TMPRSS11F: variants seen among roughly 807,000 people sequenced by gnomAD.
TMPRSS11F encodes transmembrane protease serine 11F.
Under a neutral mutation model 60.2 loss-of-function variants are expected in TMPRSS11F, and 47 were observed. That is an observed-to-expected ratio of 0.78 (90% CI 0.62 to 1.00). The LOEUF is 1.00. Ranked by LOEUF, TMPRSS11F falls within the 50% of genes least tolerant of loss-of-function variation. The pLI, the probability that TMPRSS11F is intolerant of heterozygous loss-of-function variation, is 0.00. For missense variants in TMPRSS11F, 519 were observed against 522.9 expected (o/e 0.99, Z 0.07); for synonymous variants, 166 against 167.3 (o/e 0.99, Z 0.06).
chr4:68,104,729 GT>G (rs762261395), intron 1 of TMPRSS11F, among the ~76,000 whole-genome samples: 8 of 152,122 alleles, frequency 5.3e-5, no homozygotes, highest in Non-Finnish European at 1.0e-4. Context: ...AAGAAATAAT[GT>G]TGAACTTTGT....
chr4:68,123,349 T>G (rs1227071463), intron 1 of TMPRSS11F, among the ~76,000 whole-genome samples: 1 of 152,210 alleles, frequency 6.6e-6, no homozygotes, highest in Non-Finnish European at 1.5e-5. Context: ...TCAAGAAATC[T>G]AAGTCTATGT....
chr4:68,057,933 G>A (rs1454162470), intron 9 of TMPRSS11F, among the ~76,000 whole-genome samples: 1 of 152,210 alleles, frequency 6.6e-6, no homozygotes, highest in African/African-American at 2.4e-5. Context: ...CATGAATCTA[G>A]AGGACATTAT....
intron 3 of TMPRSS11F, among the ~76,000 whole-genome samples, chr4:68,078,472 C>G (rs1180536162): frequency 6.6e-6 from 1 of 152,108 alleles, no homozygotes; most frequent in Non-Finnish European, 1.5e-5. Context: ...AATAGTGTCT[C>G]TCTCACTCTA....
intron 1 of TMPRSS11F, among the ~76,000 whole-genome samples, chr4:68,115,356 CAAAAAAAA>C (rs57550471): frequency 6.7e-5 from 5 of 74,690 alleles, no homozygotes; most frequent in Non-Finnish European, 1.0e-4. Flanking sequence ...GACACCATCT[CAAAAAAAA>C]AAAAAAAAAA....
chr4:68,088,259 C>T (rs1723856206), intron 3 of TMPRSS11F, among the ~76,000 whole-genome samples: 1 of 151,466 alleles, frequency 6.6e-6, no homozygotes, highest in Admixed American at 6.6e-5. Flanking sequence ...TCTGATAAAA[C>T]AGACTTTAAA....
intron 1 of TMPRSS11F, among the ~76,000 whole-genome samples, chr4:68,108,145 C>G (rs1274247151): frequency 6.6e-6 from 1 of 152,112 alleles, no homozygotes; most frequent in African/African-American, 2.4e-5. Context: ...ACGAGGAAAT[C>G]AGAACATATA....
chr4:68,110,239 C>T (rs755043442), intron 1 of TMPRSS11F, among the ~76,000 whole-genome samples: 14 of 152,084 alleles, frequency 9.2e-5, no homozygotes, highest in Non-Finnish European at 1.8e-4. Flanking sequence ...CACAGATACA[C>T]AGAATGAGAC....
chr4:68,089,542 T>G lies in TMPRSS11F; in HGVS notation c.282+981A>C, dbSNP rs78866394. Among the ~76,000 whole-genome samples the G allele has an allele frequency of 8.6e-3, 1,306 of 152,270 alleles. 22 individuals carry two copies. Among genetic ancestry groups the G allele is most frequent in the African/African-American group, 0.029 (1,222 of 41,572 alleles). On this transcript the variant is annotated intron_variant, in intron 3 of 9. Coordinates refer to ENST00000356291, the MANE Select transcript of TMPRSS11F (RefSeq NM_207407.2). ...AAAGAGAGAGAAAATATATTCATAC[T>G]TAATTCCAGGAACATTATTTGAATG...
Position 68,075,492 on chromosome 4 carries a change from T to G in TMPRSS11F, c.283-1483A>C, listed in dbSNP as rs192585710. Among the ~76,000 whole-genome samples the G allele has an allele frequency of 7.0e-5, 10 of 141,954 alleles. 1 individual carries two copies. Among genetic ancestry groups the G allele is most frequent in the Admixed American group, 4.8e-4 (7 of 14,494 alleles). 93.1% of individuals were successfully genotyped at this position (141,954 alleles called of 152,430 possible). ...CATCCCTACCTTCAAAGTCTCTCTCTCTGTCTGTCTCTCTCTCTCTCTTTC... is the reference window on the plus strand; with the variant it reads ...CATCCCTACCTTCAAAGTCTCTCTCGCTGTCTGTCTCTCTCTCTCTCTTTC... On this transcript the variant is annotated intron_variant, in intron 3 of 9. Coordinates refer to ENST00000356291, the MANE Select transcript of TMPRSS11F (RefSeq NM_207407.2).
intron 2 of TMPRSS11F, among the ~76,000 whole-genome samples, chr4:68,093,841 A>G (rs1174164483): frequency 1.3e-5 from 2 of 149,432 alleles, no homozygotes; most frequent in Admixed American, 1.3e-4. Flanking sequence ...AATCAAAACC[A>G]AAATGAGATA....
At chr4:68,083,670 A>T (rs35003348) in intron 3 of TMPRSS11F, among the ~76,000 whole-genome samples, 44,143 of 151,924 alleles carry the variant, frequency 0.29, 6,493 homozygotes, top group East Asian at 0.49. Context: ...ATAATAATAA[A>T]AAAAGCCCCA....
chr4:68,079,738 T>C (rs1260791473), intron 3 of TMPRSS11F, among the ~76,000 whole-genome samples: 1 of 152,206 alleles, frequency 6.6e-6, no homozygotes, highest in African/African-American at 2.4e-5. Context: ...AACAAGATAG[T>C]GTGCTCATGG....
intron 3 of TMPRSS11F, among the ~76,000 whole-genome samples, chr4:68,083,157 T>C (rs1196863903): frequency 6.6e-6 from 1 of 152,166 alleles, no homozygotes; most frequent in African/African-American, 2.4e-5. Context: ...ACAGACCACC[T>C]TCAGATATAC....
At chr4:68,066,419 G>A (rs1459656735) in intron 7 of TMPRSS11F, among the ~76,000 whole-genome samples, 2 of 152,068 alleles carry the variant, frequency 1.3e-5, no homozygotes, top group Non-Finnish European at 1.5e-5. Flanking sequence ...TTATGAATAC[G>A]AAAATTAAGA....
intron 1 of TMPRSS11F, among the ~76,000 whole-genome samples, chr4:68,100,968 A>C (rs1724179761): frequency 6.6e-6 from 1 of 152,112 alleles, no homozygotes; most frequent in Non-Finnish European, 1.5e-5. Flanking sequence ...GGCTGCTGTA[A>C]TTACTTTATT....
At chr4:68,098,291 C>T (rs1724111983) in intron 2 of TMPRSS11F, among the ~76,000 whole-genome samples, 1 of 151,774 alleles carries the variant, frequency 6.6e-6, no homozygotes, top group Non-Finnish European at 1.5e-5. Context: ...GGTGATAACT[C>T]AAGAATCTGT....
intron 1 of TMPRSS11F, among the ~76,000 whole-genome samples, chr4:68,119,790 A>G (rs906193143): frequency 2.6e-5 from 4 of 152,234 alleles, no homozygotes; most frequent in African/African-American, 9.6e-5. Flanking sequence ...ATGGGAGTCT[A>G]TTCTGCAGTC....
chr4:68,106,627 T>C lies in TMPRSS11F; in HGVS notation c.12-7589A>G, dbSNP rs559095145. On this transcript the variant is annotated intron_variant, in intron 1 of 9. Coordinates refer to ENST00000356291, the MANE Select transcript of TMPRSS11F (RefSeq NM_207407.2). ...GGGAGGGGTTACAACTATGAGTTAA[T>C]ACATCAAAATTAGCTTCCTATCAGC... is the stretch of plus-strand genomic sequence containing the variant. Among the ~76,000 whole-genome samples the C allele has an allele frequency of 7.2e-5, 11 of 152,268 alleles. No individual in the cohort carries two copies. The East Asian group carries it at 1.5e-3, about 21-fold the overall frequency.
At position 68,098,978 on chromosome 4, in the gene TMPRSS11F, A is replaced by AAATTGCTGCTTTCTTTGATAT; in HGVS notation, c.51_71dup (p.Gln23_Phe24insLeuTyrGlnArgLysGlnGln). The AAATTGCTGCTTTCTTTGATAT allele has an allele frequency of 6.2e-7, 1 of 1,613,374 alleles. No individual in the cohort carries two copies. The highest frequency in any genetic ancestry group is 8.5e-7 in the Non-Finnish European group (1 of 1,179,598). On this transcript the variant is annotated inframe_insertion, in exon 2 of 10. Transcript: ENST00000356291. ...AAAGAGCTAGCCGTACTGAGTCCCAAAATTGCTGCTTTCTTTGATATTCAG... is the reference window on the plus strand; with the variant it reads ...AAAGAGCTAGCCGTACTGAGTCCCAAAATTGCTGCTTTCTTTGATATAATTGCTGCTTTCTTTGATATTCAG...
Sources: gnomAD v4.1 joint callset for allele counts (sites outside exome capture counted in the v4.1 genomes callset) on GRCh38, gnomAD v4.1.1 for gene constraint, MANE v1.5 for transcripts, NCBI Gene and HGNC (gene_info 2026-07-23, HGNC 2026-07-21) for gene names.